CHIC2: variants seen among roughly 807,000 people sequenced by gnomAD.
CHIC2 encodes the protein cysteine-rich hydrophobic domain-containing protein 2.
In CHIC2, 14 loss-of-function variants were observed where a neutral mutation model predicts 25.9. That is an observed-to-expected ratio of 0.54 (90% confidence interval 0.36 to 0.85). CHIC2 has a LOEUF of 0.85. Ranked by LOEUF, CHIC2 falls within the 40% of genes least tolerant of loss-of-function variation. The pLI, the probability that CHIC2 is intolerant of heterozygous loss-of-function variation, is 0.01. For missense variants in CHIC2, 146 were observed against 202.0 expected (o/e 0.72, Z 1.68); for synonymous variants, 70 against 72.0 (o/e 0.97, Z 0.14).
intron 3 of CHIC2, among the ~76,000 whole-genome samples, chr4:54,044,862 T>G (rs1223292467): frequency 7.2e-5 from 11 of 152,206 alleles, no homozygotes; most frequent in Middle Eastern, 3.4e-3. Flanking sequence ...ATCCAGGAGC[T>G]GGTTTTTTGA....
chr4:54,022,250 C>T (rs949261776), intron 3 of CHIC2, among the ~76,000 whole-genome samples: 5 of 152,182 alleles, frequency 3.3e-5, no homozygotes, highest in Non-Finnish European at 7.4e-5. Flanking sequence ...CTGACTTCTT[C>T]CCAGATCTTC....
At chr4:54,051,929 C>T (rs1034899301) in intron 1 of CHIC2, among the ~76,000 whole-genome samples, 6 of 152,176 alleles carry the variant, frequency 3.9e-5, no homozygotes, top group African/African-American at 1.2e-4. Flanking sequence ...CAAACTACCA[C>T]AATCCAGGCT....
intron 3 of CHIC2, among the ~76,000 whole-genome samples, chr4:54,044,247 C>G (rs1716695952): frequency 6.6e-6 from 1 of 152,156 alleles, no homozygotes; most frequent in Non-Finnish European, 1.5e-5. Context: ...ATCAACAAGA[C>G]AGAAAGTTAA....
rs1716028605 is a variant in CHIC2 at position 54,025,459 on chromosome 4, T to A, written c.331-11340A>T. On this transcript the variant is annotated intron_variant, in intron 3 of 5. Transcript: ENST00000263921. ...CCCTTTGCTGACTCTCTTTTCAGAC[T>A]CAGCCCGCCTGCACCCAGGTGAAAT... Among the ~76,000 whole-genome samples the A allele has an allele frequency of 2.6e-5, 4 of 152,264 alleles. No homozygotes were observed. The Middle Eastern group carries it at 0.01, about 388-fold the overall frequency.
the CHIC2 span, among the ~76,000 whole-genome samples, chr4:54,080,966 A>G: frequency 8.7e-5 from 12 of 137,502 alleles, 1 homozygote; most frequent in African/African-American, 3.2e-4. Flanking sequence ...ATATATATAT[A>G]TATATATATA....
chr4:54,084,774 GC>G, the CHIC2 span, among the ~76,000 whole-genome samples: 1 of 151,564 alleles, frequency 6.6e-6, no homozygotes, highest in Admixed American at 6.6e-5. Context: ...ACCCCAGAAA[GC>G]AAAAAATTAG....
the CHIC2 span, among the ~76,000 whole-genome samples, chr4:54,079,600 GCAAAGGACCAGAATAGACATTTTTT>G: frequency 6.6e-6 from 1 of 151,916 alleles, no homozygotes; most frequent in Non-Finnish European, 1.5e-5. Flanking sequence ...TTAAAGATAG[GCAAAGGACCAGAATAGACATTTTTT>G]CAAAGAAGAT....
chr4:54,013,943 T>C (rs1378041300), intron 4 of CHIC2, 47 bp from the exon 5 acceptor site: 2 of 1,603,048 alleles, frequency 1.2e-6, no homozygotes, highest in Non-Finnish European at 8.5e-7. Flanking sequence ...TCTATTTTAT[T>C]GCAGCACACA....
chr4:54,074,214 G>C, the CHIC2 span, among the ~76,000 whole-genome samples: 1 of 151,968 alleles, frequency 6.6e-6, no homozygotes, highest in Non-Finnish European at 1.5e-5. Flanking sequence ...AAATTTAAGG[G>C]ATATTTTTAA....
chr4:54,068,147 G>A (rs1717555234), upstream of CHIC2, among the ~76,000 whole-genome samples: 1 of 152,022 alleles, frequency 6.6e-6, no homozygotes, highest in Admixed American at 6.6e-5. Flanking sequence ...CTCTCACCAG[G>A]AACCAAATCA....
chr4:54,017,597 C>A (rs1375862723), intron 3 of CHIC2, among the ~76,000 whole-genome samples: 2 of 152,170 alleles, frequency 1.3e-5, no homozygotes, highest in African/African-American at 4.8e-5. Context: ...CAATGTAATT[C>A]TCCGTCTTTC....
chr4:54,010,578 G>C (rs1350310230), intron 5 of CHIC2, among the ~76,000 whole-genome samples: 1 of 152,068 alleles, frequency 6.6e-6, no homozygotes, highest in African/African-American at 2.4e-5. Context: ...TTTTCTATGA[G>C]GCAAGTATTA....
At position 54,059,697 on chromosome 4, in the gene CHIC2, A is replaced by G. The variant is rs1489015069; in HGVS notation, c.119+4485T>C. The G allele has an allele frequency of 2.0e-5, 3 of 152,300 alleles. No individual in the cohort carries two copies. The East Asian group carries it at 5.8e-4, about 29-fold the overall frequency. The allele number at this position is 152,300 out of a possible 1,614,324, so 9.4% of individuals were successfully genotyped here. A position where few individuals can be genotyped will look rare whatever the true frequency, so the allele number is the denominator to read the frequency against. On this transcript the variant is annotated intron_variant, in intron 1 of 5. Transcript: ENST00000263921. ...TGTGATAAGTATTCTATTATAGAAC[A>G]TTGTTTGCCTTTGTTCGGAGGTGCA... is the stretch of plus-strand genomic sequence containing the variant.
intron 3 of CHIC2, among the ~76,000 whole-genome samples, chr4:54,045,195 T>C (rs1443513534): frequency 6.6e-6 from 1 of 152,172 alleles, no homozygotes; most frequent in East Asian, 1.9e-4. Context: ...ACCAGATGGA[T>C]TCACAGCCGA....
chr4:54,032,197 G>C (rs1016474381), intron 3 of CHIC2, among the ~76,000 whole-genome samples: 3 of 152,154 alleles, frequency 2.0e-5, no homozygotes, highest in African/African-American at 7.2e-5. Context: ...ATATCTAAAA[G>C]AGTAAAGCAT....
At chr4:54,059,483 G>A (rs1717268582) in intron 1 of CHIC2, 1 of 151,916 alleles carries the variant, frequency 6.6e-6, no homozygotes, top group Non-Finnish European at 1.5e-5. Flanking sequence ...CAAGGCCACA[G>A]TAGGCTGTGA....
chr4:54,087,441 A>G, the CHIC2 span: 5 of 638,766 alleles, frequency 7.8e-6, no homozygotes, highest in South Asian at 1.7e-4. Flanking sequence ...AACGTCGATA[A>G]TAAGGCATAG....
chr4:54,061,335 T>C (rs1219677467), intron 1 of CHIC2: 7 of 152,024 alleles, frequency 4.6e-5, no homozygotes, highest in Non-Finnish European at 1.0e-4. Flanking sequence ...AATACTGTAA[T>C]ATATTAAAGT....
intron 4 of CHIC2, 72 bp from the exon 5 acceptor site, chr4:54,013,968 TCCA>T: frequency 6.3e-7 from 1 of 1,596,050 alleles, no homozygotes; most frequent in Non-Finnish European, 8.6e-7. Flanking sequence ...AACCCATTTG[TCCA>T]CCTTTCATAT....
Sources: gnomAD v4.1 joint callset for allele counts (sites outside exome capture counted in the v4.1 genomes callset) on GRCh38, gnomAD v4.1.1 for gene constraint, MANE v1.5 for transcripts, NCBI Gene and HGNC (gene_info 2026-07-23, HGNC 2026-07-21) for gene names.